ZKSCAN1: variants seen among roughly 807,000 people sequenced by gnomAD.
ZKSCAN1 encodes the protein zinc finger with KRAB and SCAN domains 1, also known as zinc finger protein with KRAB and SCAN domains 1.
ZKSCAN1 carries 14 observed loss-of-function variants against 51.6 expected under a neutral mutation model. The ratio of observed to expected loss-of-function variants is 0.27; its 90% CI spans 0.18 to 0.42. The LOEUF is 0.42. ZKSCAN1 is among the 10% of genes least tolerant of loss of function. The pLI, the probability that ZKSCAN1 is intolerant of heterozygous loss-of-function variation, is 1.00. For missense variants in ZKSCAN1, 531 were observed against 710.0 expected, an observed-to-expected ratio of 0.75 and a Z score of 2.86; for synonymous variants, 263 against 261.5, an observed-to-expected ratio of 1.01 and a Z score of -0.06.
intron 4 of ZKSCAN1, 101 bp downstream of exon 4, chr7:100,030,053 C>A: frequency 6.9e-7 from 1 of 1,448,274 alleles, no homozygotes; most frequent in Non-Finnish European, 9.6e-7. Context: ...CCCCTGCTCT[C>A]AAAGAAGCCC....
In ZKSCAN1 at chr7:100,039,274, T is replaced by G; in HGVS notation, c.*5077T>G. 1 of 972,580 alleles carries G rather than the reference T, an allele frequency of 1.0e-6. No individual in the cohort carries two copies. Among genetic ancestry groups the G allele is most frequent in the Non-Finnish European group, 1.2e-6 (1 of 819,566 alleles). 60.2% of individuals were successfully genotyped at this position (972,580 alleles called of 1,614,324 possible). Reference sequence around the variant, plus strand: ...TTGCAGTGAGCCGAGATTGCACCACTGCACTCCAGCCTGGGTAACAGAGAC... The same window carrying G: ...TTGCAGTGAGCCGAGATTGCACCACGGCACTCCAGCCTGGGTAACAGAGAC... On this transcript the variant is annotated 3_prime_UTR_variant, in exon 6 of 6. Coordinates refer to ENST00000324306, the MANE Select transcript of ZKSCAN1 (RefSeq NM_003439.4).
In ZKSCAN1 at chr7:100,029,747, C is replaced by T. The variant is rs1309882762; in HGVS notation, c.581-114C>T. 6 of 964,532 alleles carry T rather than the reference C, an allele frequency of 6.2e-6. No individual in the cohort carries two copies. In the African/African-American group the frequency reaches 6.5e-5, roughly 11 times the overall value. The allele number at this position is 964,532 out of a possible 1,614,324, so 59.7% of individuals were successfully genotyped here. ...GTTGTCTGGAATTCTGTATTTGGGACCTAAACACTGAACAGTGAACATGCT... is the reference window on the plus strand; with the variant it reads ...GTTGTCTGGAATTCTGTATTTGGGATCTAAACACTGAACAGTGAACATGCT... On this transcript the variant is annotated intron_variant, in intron 3 of 5. Coordinates refer to ENST00000324306, the MANE Select transcript of ZKSCAN1 (RefSeq NM_003439.4).
Position 100,039,946 on chromosome 7 carries a change from A to G in ZKSCAN1, c.*5749A>G. The G allele has an allele frequency of 1.0e-6, 1 of 975,630 alleles. No homozygotes were observed. The highest frequency in any genetic ancestry group is 4.8e-5 in the South Asian group (1 of 21,046). The allele number at this position is 975,630 out of a possible 1,614,324, so 60.4% of individuals were successfully genotyped here. On this transcript the variant is annotated 3_prime_UTR_variant, in exon 6 of 6. Transcript: ENST00000324306. ...TCAACTACTACTGGAGAATTTAATAAAAGGCATTATTTGAAAAGTTTTTCT... is the reference window on the plus strand; with the variant it reads ...TCAACTACTACTGGAGAATTTAATAGAAGGCATTATTTGAAAAGTTTTTCT...
Position 100,023,894 on chromosome 7 carries a change from C to A in ZKSCAN1, c.388C>A (p.Leu130Ile). The A allele has an allele frequency of 6.2e-7, 1 of 1,603,568 alleles. No homozygotes were observed. Among genetic ancestry groups the A allele is most frequent in the Non-Finnish European group, 8.5e-7 (1 of 1,177,298 alleles). The change falls in exon 2 of 6, where the codon CTT becomes ATT. Residue 130 changes from leucine (L) to isoleucine (I), a missense_variant. By Grantham distance (5) the Leu-to-Ile change is conservative (BLOSUM62 2). Coordinates refer to ENST00000324306, the MANE Select transcript of ZKSCAN1 (RefSeq NM_003439.4). Reference protein sequence around the residue: ...RPDSGEEAVTLLEDLELDLSG... With the variant: ...RPDSGEEAVTILEDLELDLSG... ...CGATAGTGGAGAGGAGGCCGTGACCCTTCTAGAAGACTTGGAGCTTGATTT... is the reference window on the plus strand; with the variant it reads ...CGATAGTGGAGAGGAGGCCGTGACCATTCTAGAAGACTTGGAGCTTGATTT...
rs936629888 is a variant in ZKSCAN1, at chr7:100,034,551, T to A, written c.*354T>A. On this transcript the variant is annotated 3_prime_UTR_variant, in exon 6 of 6. Transcript: ENST00000324306. Reference sequence around the variant, plus strand: ...CAACATAATAGTTGAAAGATCAAGATTGGCTCCACGAAAGTGATACGGAGG... The same window carrying A: ...CAACATAATAGTTGAAAGATCAAGAATGGCTCCACGAAAGTGATACGGAGG... 4 of 1,015,662 alleles carry A rather than the reference T, an allele frequency of 3.9e-6. No homozygotes were observed. Among genetic ancestry groups the A allele is most frequent in the Non-Finnish European group, 4.7e-6 (4 of 849,690 alleles). The allele number at this position is 1,015,662 out of a possible 1,614,324, so 62.9% of individuals were successfully genotyped here.
rs1791390175 is a variant in ZKSCAN1, at chr7:100,036,955, G to A, written c.*2758G>A. ...CTCACATTTAATTCCGTTTCATGGA[G>A]ACATCTTCCTGACTTTGTTGGATAG... On this transcript the variant is annotated 3_prime_UTR_variant, in exon 6 of 6. Coordinates refer to ENST00000324306, the MANE Select transcript of ZKSCAN1 (RefSeq NM_003439.4). 2 of 985,042 alleles carry A rather than the reference G, an allele frequency of 2.0e-6. No individual in the cohort carries two copies. Among genetic ancestry groups the A allele is most frequent in the Non-Finnish European group, 2.4e-6 (2 of 829,878 alleles). The allele number at this position is 985,042 out of a possible 1,614,324, so 61.0% of individuals were successfully genotyped here.
intron 5 of ZKSCAN1, among the ~76,000 whole-genome samples, chr7:100,030,850 G>A (rs1309972234): frequency 6.6e-6 from 1 of 152,238 alleles, no homozygotes. Flanking sequence ...TGTGTGATTA[G>A]TGTGATTCCA....
At chr7:100,042,014 G>T (rs1272862322), downstream of ZKSCAN1, among the ~76,000 whole-genome samples, 1 of 152,078 alleles carries the variant, frequency 6.6e-6, no homozygotes, top group Non-Finnish European at 1.5e-5. Flanking sequence ...GATAACAACA[G>T]ACTCTTTAAG....
At chr7:100,016,380 T>G (rs1367150578) in intron 1 of ZKSCAN1, among the ~76,000 whole-genome samples, 3 of 152,156 alleles carry the variant, frequency 2.0e-5, no homozygotes, top group Non-Finnish European at 2.9e-5. Context: ...GGAAAAGAGC[T>G]GTCCGGGACG....
Position 100,024,331 on chromosome 7 carries a change from G to A in ZKSCAN1, c.580+24G>A, listed in dbSNP as rs781626535. The A allele has an allele frequency of 3.1e-6, 5 of 1,612,462 alleles. No individual in the cohort carries two copies. The Admixed American group carries it at 8.4e-5, about 27-fold the overall frequency. On this transcript the variant is annotated intron_variant, in intron 3 of 5. Transcript: ENST00000324306. ...AGGTAAGAAGCAAGGTTTCATTTAGGGGAAGGGAAATGATTCAGGACGAGA... is the reference window on the plus strand; with the variant it reads ...AGGTAAGAAGCAAGGTTTCATTTAGAGGAAGGGAAATGATTCAGGACGAGA...
In ZKSCAN1 at chr7:100,033,272, G is replaced by A; in HGVS notation, c.800-33G>A. The A allele has an allele frequency of 6.4e-7, 1 of 1,562,128 alleles. No homozygotes were observed. The highest frequency in any genetic ancestry group is 8.6e-7 in the Non-Finnish European group (1 of 1,159,870). The stretch of plus-strand genomic sequence containing the variant: ...CCCACCTGTATATTCAAAAGAAAAA[G>A]GTGCGATTTGAATTTTCTATTTATT... On this transcript the variant is annotated intron_variant, in intron 5 of 5. Coordinates refer to ENST00000324306, the MANE Select transcript of ZKSCAN1 (RefSeq NM_003439.4). This position sits in a 1 kb window ranked among gnomAD's most constrained non-coding sequence, Gnocchi z 4.1.
rs1791275706 is a variant in ZKSCAN1, at chr7:100,034,760, T to G, written c.*563T>G. On this transcript the variant is annotated 3_prime_UTR_variant, in exon 6 of 6. Transcript: ENST00000324306. Reference sequence around the variant, plus strand: ...AAGCTGTAGAAATCTAGGACTGTGCTAATCAGTATCAAACCAAAGATTTCT... The same window carrying G: ...AAGCTGTAGAAATCTAGGACTGTGCGAATCAGTATCAAACCAAAGATTTCT... 1 of 173,728 alleles carries G rather than the reference T, an allele frequency of 5.8e-6. No individual in the cohort carries two copies. The allele number at this position is 173,728 out of a possible 1,614,324, so 10.8% of individuals were successfully genotyped here. A position where few individuals can be genotyped will look rare whatever the true frequency, so the allele number is the denominator to read the frequency against.
chr7:100,036,674 C>T lies in ZKSCAN1; in HGVS notation c.*2477C>T, dbSNP rs186544907. 677 of 946,642 alleles carry T rather than the reference C, an allele frequency of 7.2e-4. 9 individuals are homozygous for T. The African/African-American group carries it at 0.012, about 16-fold the overall frequency. The allele number at this position is 946,642 out of a possible 1,614,324, so 58.6% of individuals were successfully genotyped here. The stretch of plus-strand genomic sequence containing the variant: ...CAGAGGTTGCAGTGAGCCAAGATTG[C>T]ACACTGCACTCCAGCCTGGGTGACT... On this transcript the variant is annotated 3_prime_UTR_variant, in exon 6 of 6. Coordinates refer to ENST00000324306, the MANE Select transcript of ZKSCAN1 (RefSeq NM_003439.4).
At chr7:100,029,792 C>A in intron 3 of ZKSCAN1, 69 bp from the exon 4 acceptor site, 1 of 1,454,244 alleles carries the variant, frequency 6.9e-7, no homozygotes, top group Non-Finnish European at 9.6e-7. Context: ...AGGAACATGC[C>A]CCGAGCCCTT....
rs949744660 is a variant in ZKSCAN1, at chr7:100,040,551, G to A, written c.*6354G>A. On this transcript the variant is annotated 3_prime_UTR_variant, in exon 6 of 6. Coordinates refer to ENST00000324306, the MANE Select transcript of ZKSCAN1 (RefSeq NM_003439.4). ...GATTTCATTCCAGTGTCAGGTTTGG[G>A]TTTTAAGTTCCTTTGGTCCAGGGAA... 2.5e-5 allele frequency: 25 copies of A among 985,326 alleles called. No individual in the cohort carries two copies. In the African/African-American group the frequency reaches 4.2e-4, roughly 17 times the overall value. 61.0% of individuals were successfully genotyped at this position (985,326 alleles called of 1,614,324 possible). A position where few individuals can be genotyped will look rare whatever the true frequency, so the allele number is the denominator to read the frequency against.
chr7:100,020,941 C>G (rs1168728310), intron 1 of ZKSCAN1, among the ~76,000 whole-genome samples: 1 of 152,024 alleles, frequency 6.6e-6, no homozygotes, highest in East Asian at 1.9e-4. Flanking sequence ...GTGATTGATC[C>G]AACCTATCAA....
chr7:100,043,466 A>G (rs1260807142), downstream of ZKSCAN1, among the ~76,000 whole-genome samples: 1 of 146,968 alleles, frequency 6.8e-6, no homozygotes, highest in Non-Finnish European at 1.5e-5. Flanking sequence ...TGCAACCTCA[A>G]CCTCCTGGAC....
chr7:100,035,503 T>C lies in ZKSCAN1; in HGVS notation c.*1306T>C, dbSNP rs1436134803. ...TGAACAGTATGATGATTTGGGGATT[T>C]TCTGAATCATTTGTACTTAGATACT... On this transcript the variant is annotated 3_prime_UTR_variant, in exon 6 of 6. Coordinates refer to ENST00000324306, the MANE Select transcript of ZKSCAN1 (RefSeq NM_003439.4). The C allele has an allele frequency of 6.6e-6, 1 of 152,214 alleles. No homozygotes were observed. The allele number at this position is 152,214 out of a possible 1,614,324, so 9.4% of individuals were successfully genotyped here.
At chr7:100,042,789 A>AT (rs1791632558), downstream of ZKSCAN1, among the ~76,000 whole-genome samples, 1 of 132,302 alleles carries the variant, frequency 7.6e-6, no homozygotes, top group African/African-American at 2.8e-5. Flanking sequence ...CACCCAGGTA[A>AT]TTTTTGGGTT....
Sources: gnomAD v4.1 joint callset for allele counts (sites outside exome capture counted in the v4.1 genomes callset) on GRCh38, gnomAD v4.1.1 for gene constraint, Gnocchi (gnomAD v3.1) non-coding constraint, MANE v1.5 for transcripts, NCBI Gene and HGNC (gene_info 2026-07-23, HGNC 2026-07-21) for gene names.